Variants in LRP1B observed in about 807,000 individuals in gnomAD.
LRP1B encodes low-density lipoprotein receptor-related protein 1B.
A neutral mutation model predicts 556.6 loss-of-function variants in LRP1B; 217 were observed. The observed-to-expected ratio is 0.39, with a 90% confidence interval of 0.35 to 0.44. LRP1B has a LOEUF of 0.44. Among genes scored for constraint, LRP1B ranks in the 20% least tolerant of loss-of-function variants. The pLI is 1.00. For synonymous variants in LRP1B, 2,047 were observed against 1,865.8 expected (o/e 1.10, Z -2.50); for missense variants, 5,053 against 5,620.8 (o/e 0.90, Z 3.23).
At chr2:141,742,779 C>T (rs1693758646) in intron 2 of LRP1B, among the ~76,000 whole-genome samples, 1 of 152,060 alleles carries the variant, frequency 6.6e-6, no homozygotes, top group Admixed American at 6.6e-5. Flanking sequence ...TTGGTGTCCT[C>T]TTCAGTTTCT....
At chr2:140,272,362 A>G (rs1363298018) in intron 85 of LRP1B, among the ~76,000 whole-genome samples, 1 of 152,018 alleles carries the variant, frequency 6.6e-6, no homozygotes, top group Non-Finnish European at 1.5e-5. Flanking sequence ...AGTTCCCATG[A>G]CAATGGTCAT....
intron 35 of LRP1B, among the ~76,000 whole-genome samples, chr2:140,724,328 AT>A (rs565714009): frequency 4.2e-4 from 64 of 152,318 alleles, no homozygotes; most frequent in African/African-American, 1.3e-3. Context: ...CTATAAAAAA[AT>A]AAATAATAAT....
In LRP1B at chr2:140,556,257, G is replaced by A. The variant is rs573635541; in HGVS notation, c.7195-14286C>T. Among the ~76,000 whole-genome samples the A allele has an allele frequency of 2.2e-4, 33 of 152,070 alleles. 1 individual carries two copies. In the East Asian group the frequency reaches 6.2e-3, roughly 29 times the overall value. On this transcript the variant is annotated intron_variant, in intron 43 of 90. Coordinates refer to ENST00000389484, the MANE Select transcript of LRP1B (RefSeq NM_018557.3). The stretch of plus-strand genomic sequence containing the variant: ...TAGCCTTTTTGTGAAGTAGGTCATA[G>A]GACTCTAATCTGCCCTTGGAGGAAA...
At chr2:141,135,245 T>C (rs190490397) in intron 7 of LRP1B, among the ~76,000 whole-genome samples, 55 of 152,076 alleles carry the variant, frequency 3.6e-4, no homozygotes, top group Admixed American at 3.4e-3. Flanking sequence ...AATGGAAATA[T>C]GTACTTGTCA....
intron 1 of LRP1B, among the ~76,000 whole-genome samples, chr2:142,052,258 C>A (rs1265850991): frequency 6.6e-6 from 1 of 151,942 alleles, no homozygotes; most frequent in Non-Finnish European, 1.5e-5. Flanking sequence ...AACTTTAAAA[C>A]CCCTATAAAC....
At chr2:141,992,326 G>A (rs1015868717) in intron 1 of LRP1B, among the ~76,000 whole-genome samples, 1 of 152,028 alleles carries the variant, frequency 6.6e-6, no homozygotes, top group Non-Finnish European at 1.5e-5. Context: ...TGAGTGGATG[G>A]GAAAGATGAG....
chr2:141,178,135 A>C (rs1015860720), intron 7 of LRP1B, among the ~76,000 whole-genome samples: 1 of 152,084 alleles, frequency 6.6e-6, no homozygotes, highest in Admixed American at 6.6e-5. Flanking sequence ...AAACCGGAAA[A>C]GGCAATAAAC....
chr2:141,797,163 A>ATATATG (rs1324660199), intron 2 of LRP1B, among the ~76,000 whole-genome samples: 1 of 86,310 alleles, frequency 1.2e-5, no homozygotes, highest in Non-Finnish European at 2.6e-5. Context: ...ATATATATAT[A>ATATATG]TATATATATA....
At chr2:140,520,128 A>G (rs1329399443) in intron 49 of LRP1B, among the ~76,000 whole-genome samples, 1 of 152,178 alleles carries the variant, frequency 6.6e-6, no homozygotes, top group Non-Finnish European at 1.5e-5. Context: ...AGGATTATAA[A>G]TCATGCTACT....
At chr2:142,123,932 G>A (rs10496913) in intron 1 of LRP1B, among the ~76,000 whole-genome samples, 46,843 of 151,686 alleles carry the variant, frequency 0.31, 8,202 homozygotes, top group African/African-American at 0.47. Context: ...AAAGCGTTAC[G>A]TATTTACAAC....
At chr2:141,949,286 A>G (rs1308489728) in intron 1 of LRP1B, among the ~76,000 whole-genome samples, 2 of 152,180 alleles carry the variant, frequency 1.3e-5, no homozygotes, top group African/African-American at 2.4e-5. Flanking sequence ...CTATTTCAGC[A>G]TTCAGAAACT....
chr2:141,216,372 G>A (rs968953146), intron 6 of LRP1B, among the ~76,000 whole-genome samples: 4 of 152,210 alleles, frequency 2.6e-5, no homozygotes, highest in Non-Finnish European at 5.9e-5. Flanking sequence ...AGGATGTATG[G>A]GAAAGCGTGG....
At chr2:141,186,199 G>C (rs1343742179) in intron 7 of LRP1B, among the ~76,000 whole-genome samples, 1 of 151,610 alleles carries the variant, frequency 6.6e-6, no homozygotes, top group African/African-American at 2.4e-5. Context: ...AGCTCTAGGA[G>C]TTAGGTCAGA....
At chr2:140,455,734 G>A (rs1182149673) in intron 62 of LRP1B, among the ~76,000 whole-genome samples, 3 of 152,136 alleles carry the variant, frequency 2.0e-5, no homozygotes, top group East Asian at 1.9e-4. Flanking sequence ...TGAAATCATT[G>A]CTAGTAACTA....
At chr2:140,445,756 A>AT (rs1686630820) in intron 63 of LRP1B, among the ~76,000 whole-genome samples, 1 of 152,132 alleles carries the variant, frequency 6.6e-6, no homozygotes, top group African/African-American at 2.4e-5. Flanking sequence ...AGTAAACTAA[A>AT]TTTACTGAAT....
rs111834883 is a variant in LRP1B at position 140,870,291 on chromosome 2, C to T, written c.4170-2028G>A. 2.6e-3 allele frequency among the ~76,000 whole-genome samples: 401 copies of T among 152,214 alleles called. 1 individual carries two copies. The highest frequency in any genetic ancestry group is 3.4e-3 in the Non-Finnish European group (233 of 68,000). On this transcript the variant is annotated intron_variant, in intron 25 of 90. Transcript: ENST00000389484. ...CCCTTCACCTTTCTGGAAATTATAG[C>T]CACCCCACTCAGAGGTCAGAGGAAC...
intron 1 of LRP1B, among the ~76,000 whole-genome samples, chr2:141,998,950 G>T (rs1300829172): frequency 2.6e-5 from 4 of 152,118 alleles, no homozygotes; most frequent in African/African-American, 9.7e-5. Context: ...TCAGAGAATG[G>T]CCTGGAAAGG....
chr2:141,785,231 C>A (rs1695391303), intron 2 of LRP1B, among the ~76,000 whole-genome samples: 1 of 151,862 alleles, frequency 6.6e-6, no homozygotes, highest in African/African-American at 2.4e-5. Context: ...GCAGAGATGG[C>A]AATATCATGA....
At chr2:141,201,321 C>T (rs1346776246) in intron 6 of LRP1B, among the ~76,000 whole-genome samples, 3 of 152,086 alleles carry the variant, frequency 2.0e-5, no homozygotes, top group African/African-American at 7.2e-5. Flanking sequence ...TTAAAACTGC[C>T]ACATCTTTTT....
Sources: gnomAD v4.1 joint callset for allele counts (sites outside exome capture counted in the v4.1 genomes callset) on GRCh38, gnomAD v4.1.1 for gene constraint, MANE v1.5 for transcripts, NCBI Gene and HGNC (gene_info 2026-07-23, HGNC 2026-07-21) for gene names.